ALCAM: variants seen among roughly 807,000 people sequenced by gnomAD.
ALCAM encodes CD166 antigen.
In ALCAM, 30 loss-of-function variants were observed where a neutral mutation model predicts 70.9. The ratio of observed to expected loss-of-function variants is 0.42; its 90% confidence interval spans 0.32 to 0.57. The LOEUF is 0.57. Ranked by LOEUF, ALCAM falls within the 20% of genes least tolerant of loss-of-function variation. The pLI is 0.11. For synonymous variants in ALCAM, 249 were observed against 242.5 expected, an observed-to-expected ratio of 1.03 and a Z score of -0.25; for missense variants, 591 against 695.1, an observed-to-expected ratio of 0.85 and a Z score of 1.68.
At chr3:105,528,344 C>T (rs1272993533) in intron 3 of ALCAM, among the ~76,000 whole-genome samples, 1 of 152,108 alleles carries the variant, frequency 6.6e-6, no homozygotes, top group Non-Finnish European at 1.5e-5. Flanking sequence ...GGTATTAGAA[C>T]AAAAGGAGCT....
At chr3:105,450,671 G>A (rs1009115124) in intron 1 of ALCAM, among the ~76,000 whole-genome samples, 5 of 151,988 alleles carry the variant, frequency 3.3e-5, no homozygotes, top group Admixed American at 3.3e-4. Flanking sequence ...TTTTCTATAT[G>A]TCTCAGACAG....
chr3:105,454,443 C>T (rs1302723089), intron 1 of ALCAM, among the ~76,000 whole-genome samples: 2 of 152,062 alleles, frequency 1.3e-5, no homozygotes, highest in Non-Finnish European at 2.9e-5. Flanking sequence ...TATCTCTCCC[C>T]ATCTCCCCGC....
At chr3:105,372,442 C>G (rs942843480) in intron 1 of ALCAM, among the ~76,000 whole-genome samples, 2 of 152,068 alleles carry the variant, frequency 1.3e-5, no homozygotes, top group African/African-American at 4.8e-5. Flanking sequence ...TTGTTTTATG[C>G]TAACCTATTA....
chr3:105,393,741 A>G (rs554518550), intron 1 of ALCAM, among the ~76,000 whole-genome samples: 3 of 152,064 alleles, frequency 2.0e-5, no homozygotes, highest in African/African-American at 7.2e-5. Context: ...AATATACTAC[A>G]TGAATGAAAT....
At chr3:105,433,975 G>C (rs965294389) in intron 1 of ALCAM, among the ~76,000 whole-genome samples, 4 of 151,776 alleles carry the variant, frequency 2.6e-5, no homozygotes, top group Admixed American at 6.6e-5. Flanking sequence ...TTTGTATTCT[G>C]ATGTCCATCC....
Position 105,367,362 on chromosome 3 carries a change from C to T in ALCAM, c.-47C>T, listed in dbSNP as rs1466741060. Reference sequence around the variant, plus strand: ...CGCGGGGCCCGGGACGACGCCCCCTCCTGCGGCGTGGACTCCGTCAGTGGC... The same window carrying T: ...CGCGGGGCCCGGGACGACGCCCCCTTCTGCGGCGTGGACTCCGTCAGTGGC... On this transcript the variant is annotated 5_prime_UTR_variant, in exon 1 of 16. Coordinates refer to ENST00000306107, the MANE Select transcript of ALCAM (RefSeq NM_001627.4). The T allele has an allele frequency of 1.2e-6, 2 of 1,604,934 alleles. No homozygotes were observed. Among genetic ancestry groups the T allele is most frequent in the East Asian group, 2.2e-5 (1 of 44,766 alleles).
intron 1 of ALCAM, among the ~76,000 whole-genome samples, chr3:105,419,847 C>T (rs959521071): frequency 6.6e-6 from 1 of 151,788 alleles, no homozygotes; most frequent in African/African-American, 2.4e-5. Flanking sequence ...TATAATATCA[C>T]ATGATTCACA....
intron 1 of ALCAM, among the ~76,000 whole-genome samples, chr3:105,472,636 G>A (rs1362055940): frequency 6.6e-6 from 1 of 151,512 alleles, no homozygotes; most frequent in Non-Finnish European, 1.5e-5. Flanking sequence ...TTGTAAACAT[G>A]AAAAGATCAT....
chr3:105,436,123 C>T (rs1937043316), intron 1 of ALCAM, among the ~76,000 whole-genome samples: 1 of 152,140 alleles, frequency 6.6e-6, no homozygotes, highest in South Asian at 2.1e-4. Context: ...AGACCTGCCC[C>T]CATGATTCAA....
intron 1 of ALCAM, among the ~76,000 whole-genome samples, chr3:105,495,412 G>T (rs1217244904): frequency 6.7e-6 from 1 of 149,642 alleles, no homozygotes; most frequent in African/African-American, 2.5e-5. Context: ...AATGAACAGG[G>T]TGAAATTTGT....
intron 1 of ALCAM, among the ~76,000 whole-genome samples, chr3:105,411,839 C>G (rs369598575): frequency 2.4e-4 from 36 of 152,072 alleles, no homozygotes; most frequent in African/African-American, 8.7e-4. Flanking sequence ...CTCTACAGTC[C>G]TCTGTGTTTA....
intron 1 of ALCAM, among the ~76,000 whole-genome samples, chr3:105,415,808 A>T (rs150737992): frequency 1.3e-5 from 2 of 152,226 alleles, no homozygotes; most frequent in African/African-American, 4.8e-5. Context: ...ACACTTTACA[A>T]AGATAATTTA....
At chr3:105,426,261 T>A (rs551716420) in intron 1 of ALCAM, among the ~76,000 whole-genome samples, 2 of 152,010 alleles carry the variant, frequency 1.3e-5, no homozygotes, top group East Asian at 3.9e-4. Context: ...ATCAAAAGAA[T>A]CACATTTCTA....
chr3:105,514,986 C>T (rs1347468706), intron 1 of ALCAM, among the ~76,000 whole-genome samples: 1 of 151,836 alleles, frequency 6.6e-6, no homozygotes, highest in Non-Finnish European at 1.5e-5. Context: ...CATTAGATTT[C>T]ATCAGGTAAC....
chr3:105,540,731 T>C (rs954944274), intron 7 of ALCAM, among the ~76,000 whole-genome samples: 2 of 152,022 alleles, frequency 1.3e-5, no homozygotes, highest in African/African-American at 4.8e-5. Context: ...CGCATATCTT[T>C]GTGTTTGACA....
chr3:105,431,163 A>G lies in ALCAM; in HGVS notation c.73+63682A>G, dbSNP rs188695377. 4.9e-4 allele frequency among the ~76,000 whole-genome samples: 75 copies of G among 151,522 alleles called. No homozygotes were observed. The East Asian group carries it at 0.012, about 25-fold the overall frequency. The stretch of plus-strand genomic sequence containing the variant: ...GAAACAAAAAAAAAAAAAAGAGGAG[A>G]CATGGTATATAATTTAGATATTGCC... On this transcript the variant is annotated intron_variant, in intron 1 of 15. Transcript: ENST00000306107.
intron 14 of ALCAM, among the ~76,000 whole-genome samples, chr3:105,559,183 AC>A (rs1240899426): frequency 6.7e-6 from 1 of 148,240 alleles, no homozygotes; most frequent in African/African-American, 2.4e-5. Flanking sequence ...TATTATATAT[AC>A]ATGTATACTT....
chr3:105,511,824 T>C (rs1235216303), intron 1 of ALCAM, among the ~76,000 whole-genome samples: 1 of 151,958 alleles, frequency 6.6e-6, no homozygotes, highest in East Asian at 1.9e-4. Flanking sequence ...TACCAGAAGC[T>C]AGCATACCGG....
intron 1 of ALCAM, among the ~76,000 whole-genome samples, chr3:105,442,478 C>T (rs1313885998): frequency 6.6e-6 from 1 of 152,044 alleles, no homozygotes; most frequent in African/African-American, 2.4e-5. Context: ...GCGAGAGTTA[C>T]TCATAAAAAA....
Sources: allele counts gnomAD v4.1 joint callset (sites outside exome capture counted in the v4.1 genomes callset), GRCh38; gene constraint gnomAD v4.1.1; transcripts MANE v1.5; gene names NCBI Gene and HGNC (gene_info 2026-07-23, HGNC 2026-07-21).